RABGEF1: variants seen among roughly 807,000 people sequenced by gnomAD.
RABGEF1 encodes rab5 GDP/GTP exchange factor.
RABGEF1 carries 26 observed loss-of-function variants against 57.3 expected under a neutral mutation model. The observed-to-expected ratio is 0.45, with a 90% CI of 0.33 to 0.63. The LOEUF (loss-of-function observed/expected upper bound fraction) is 0.63, where lower values mean the gene tolerates loss of function less well. Among genes scored for constraint, RABGEF1 ranks in the 20% least tolerant of loss-of-function variants. RABGEF1 has a pLI of 0.02. For synonymous variants in RABGEF1, 185 were observed against 210.7 expected (o/e 0.88, Z 1.06); for missense variants, 464 against 607.6 (o/e 0.76, Z 2.48).
chr7:66,757,463 C>A (rs1443544541), intron 1 of RABGEF1, among the ~76,000 whole-genome samples: 2 of 152,170 alleles, frequency 1.3e-5, no homozygotes, highest in Non-Finnish European at 2.9e-5. Flanking sequence ...CTAAGCTCCG[C>A]AATGACTGAA....
At chr7:66,791,652 A>G (rs1007078970) in intron 4 of RABGEF1, among the ~76,000 whole-genome samples, 6 of 152,270 alleles carry the variant, frequency 3.9e-5, no homozygotes, top group African/African-American at 1.2e-4. Flanking sequence ...AAAATAGTCA[A>G]AGGTTTTCAA....
At chr7:66,749,726 C>T (rs905602335) in intron 1 of RABGEF1, among the ~76,000 whole-genome samples, 2 of 152,146 alleles carry the variant, frequency 1.3e-5, no homozygotes, top group African/African-American at 4.8e-5. Context: ...AATCTCAGCA[C>T]TTTGGGAGGC....
At chr7:66,704,457 C>A (rs536886477) in intron 1 of RABGEF1, among the ~76,000 whole-genome samples, 41 of 152,164 alleles carry the variant, frequency 2.7e-4, no homozygotes, top group African/African-American at 9.6e-4. Context: ...ATCTATTTTC[C>A]CAAGTGGTTG....
intron 2 of RABGEF1, chr7:66,773,720 C>A: frequency 2.2e-6 from 1 of 453,962 alleles, no homozygotes; most frequent in Non-Finnish European, 4.4e-6. Flanking sequence ...GGCTGGAGTG[C>A]AATGGTGCAA....
chr7:66,723,766 GACGGGGTTTC>G (rs1415270477), intron 2 of RABGEF1, among the ~76,000 whole-genome samples: 1 of 142,600 alleles, frequency 7.0e-6, no homozygotes, highest in Non-Finnish European at 1.6e-5. Flanking sequence ...TTTTAGTAGT[GACGGGGTTTC>G]ACCATGTTGG....
At chr7:66,715,206 C>T (rs918658185) in intron 2 of RABGEF1, among the ~76,000 whole-genome samples, 11 of 152,126 alleles carry the variant, frequency 7.2e-5, no homozygotes, top group Non-Finnish European at 1.2e-4. Flanking sequence ...TAGCTCACTG[C>T]ATCCTCAAAC....
At chr7:66,724,580 G>A (rs1483585560) in intron 2 of RABGEF1, among the ~76,000 whole-genome samples, 1 of 152,090 alleles carries the variant, frequency 6.6e-6, no homozygotes, top group Non-Finnish European at 1.5e-5. Context: ...GGCTGGTCTT[G>A]ATCTCGTGAC....
upstream of RABGEF1, among the ~76,000 whole-genome samples, chr7:66,678,497 G>A (rs548969970): frequency 1.7e-4 from 25 of 150,690 alleles, no homozygotes; most frequent in South Asian, 3.2e-3. Context: ...CCCAGGAAGC[G>A]GAGCTTGCAG....
At chr7:66,699,306 G>A (rs1171838566) in intron 1 of RABGEF1, among the ~76,000 whole-genome samples, 2 of 152,214 alleles carry the variant, frequency 1.3e-5, no homozygotes, top group Non-Finnish European at 2.9e-5. Flanking sequence ...GGGAGACAAA[G>A]GACTGGATTT....
intron 3 of RABGEF1, among the ~76,000 whole-genome samples, chr7:66,777,819 A>G (rs1808908449): frequency 6.6e-6 from 1 of 152,040 alleles, no homozygotes; most frequent in Non-Finnish European, 1.5e-5. Flanking sequence ...TTAATAAAGA[A>G]TCCAGGTGAA....
upstream of RABGEF1, among the ~76,000 whole-genome samples, chr7:66,736,788 G>A (rs1388730108): frequency 6.6e-6 from 1 of 152,144 alleles, no homozygotes; most frequent in Non-Finnish European, 1.5e-5. Flanking sequence ...TTGAACCCAG[G>A]AGGCAGAAGT....
upstream of RABGEF1, among the ~76,000 whole-genome samples, chr7:66,738,896 ATAAT>A (rs1798384974): frequency 6.6e-6 from 1 of 152,136 alleles, no homozygotes; most frequent in South Asian, 2.1e-4. Context: ...ACTACTGTAA[ATAAT>A]TATTGTTTAT....
rs545055892 is a variant in RABGEF1 at position 66,685,153 on chromosome 7, C to CTTTTTTT, written c.-873+2909_-873+2915dup. Among the ~76,000 whole-genome samples the CTTTTTTT allele has an allele frequency of 9.9e-5, 10 of 101,094 alleles. 1 individual carries two copies. The highest frequency in any genetic ancestry group is 1.2e-4 in the Admixed American group (1 of 8,050). 66.3% of individuals were successfully genotyped at this position (101,094 alleles called of 152,430 possible). The stretch of plus-strand genomic sequence containing the variant: ...TTTCAGTATAGTGCTGGATTATTTG[C>CTTTTTTT]TTTTTTTTTTTTTTTTTTTTGAGAT... On this transcript the variant is annotated intron_variant and NMD_transcript_variant, in intron 1 of 9. Transcript: ENST00000607882.
the RABGEF1 span, among the ~76,000 whole-genome samples, chr7:66,668,253 G>A: frequency 1.3e-5 from 2 of 152,006 alleles, no homozygotes; most frequent in African/African-American, 2.4e-5. Flanking sequence ...CACCATGCCC[G>A]GCTAATTGTT....
chr7:66,795,322 C>T (rs576909001), intron 4 of RABGEF1, among the ~76,000 whole-genome samples, 189 bp from the exon 5 acceptor site: 12 of 152,244 alleles, frequency 7.9e-5, no homozygotes, highest in Admixed American at 2.6e-4. Context: ...AGGAAAAGTC[C>T]GGCAACAATG....
At chr7:66,806,210 G>A (rs1190441020) in intron 8 of RABGEF1, among the ~76,000 whole-genome samples, 1 of 152,096 alleles carries the variant, frequency 6.6e-6, no homozygotes, top group Non-Finnish European at 1.5e-5. Flanking sequence ...TGCATTGCGA[G>A]TATTTCTGAT....
intron 1 of RABGEF1, among the ~76,000 whole-genome samples, chr7:66,752,978 G>GT (rs1412427538): frequency 6.6e-6 from 1 of 152,198 alleles, no homozygotes; most frequent in Non-Finnish European, 1.5e-5. Flanking sequence ...CACCTCCTCA[G>GT]TTCCTGGCAC....
intron 2 of RABGEF1, among the ~76,000 whole-genome samples, chr7:66,728,744 T>C: frequency 6.9e-6 from 1 of 144,324 alleles, no homozygotes; most frequent in African/African-American, 2.6e-5. Flanking sequence ...ACCTCCATCC[T>C]CACCTCGACC....
intron 1 of RABGEF1, among the ~76,000 whole-genome samples, chr7:66,686,452 A>G (rs1790650448): frequency 6.6e-6 from 1 of 152,194 alleles, no homozygotes; most frequent in Non-Finnish European, 1.5e-5. Flanking sequence ...AGCCTGCGTG[A>G]CAGAGTGATA....
Sources: gnomAD v4.1 joint callset for allele counts (sites outside exome capture counted in the v4.1 genomes callset) on GRCh38, gnomAD v4.1.1 for gene constraint, MANE v1.5 for transcripts, NCBI Gene and HGNC (gene_info 2026-07-23, HGNC 2026-07-21) for gene names.